The following FAM53B variants were observed in gnomAD, a reference collection of about 807,000 sequenced individuals.
FAM53B encodes the protein family with sequence similarity 53 member B, also known as protein FAM53B.
In FAM53B, 12 loss-of-function variants were observed where a neutral mutation model predicts 32.7. That is an observed-to-expected ratio of 0.37 (90% confidence interval 0.24 to 0.59). FAM53B has a LOEUF of 0.59. FAM53B is among the 20% of genes least tolerant of loss of function. The pLI is 0.72. For missense variants in FAM53B, 477 were observed against 577.7 expected (o/e 0.83, Z 1.79); for synonymous variants, 234 against 228.7 (o/e 1.02, Z -0.21).
intron 4 of FAM53B, among the ~76,000 whole-genome samples, chr10:124,654,313 C>A (rs978856634): frequency 3.9e-5 from 6 of 152,242 alleles, no homozygotes; most frequent in African/African-American, 1.4e-4. Context: ...GCCCTCCCAA[C>A]CCCTGGGTCT....
intron 1 of FAM53B, among the ~76,000 whole-genome samples, chr10:124,729,364 C>T (rs1950126854): frequency 6.6e-6 from 1 of 152,200 alleles, no homozygotes; most frequent in South Asian, 2.1e-4. Flanking sequence ...GCTGGCCTTT[C>T]AAGGCTATTC....
rs1487217911 is a variant in FAM53B at position 124,706,682 on chromosome 10, G to A, written c.32C>T (p.Thr11Ile). The A allele has an allele frequency of 1.9e-6, 3 of 1,614,092 alleles. No homozygotes were observed. Among genetic ancestry groups the A allele is most frequent in the Non-Finnish European group, 2.5e-6 (3 of 1,180,046 alleles). The change falls in exon 2 of 5, where the codon ACC becomes ATC. Residue 11 changes from threonine (T) to isoleucine (I), a missense_variant. Transcript: ENST00000337318. MVMVLSESLS[T>I]RGADSIACGT... ...ACATGCAATGGAGTCAGCTCCCCGG[G>A]TGCTGAGGCTTTCACTTAGGACCAT...
rs993051120 is a variant in FAM53B at position 124,619,525 on chromosome 10, GCTAT to G, written c.*3713_*3716del. 1.4e-4 allele frequency: 21 copies of G among 152,366 alleles called. No homozygotes were observed. Among genetic ancestry groups the G allele is most frequent in the African/African-American group, 5.1e-4 (21 of 41,404 alleles). 9.4% of individuals were successfully genotyped at this position (152,366 alleles called of 1,614,324 possible). A position where few individuals can be genotyped will look rare whatever the true frequency, so the allele number is the denominator to read the frequency against. ...CTGCAGCCCCAGAAACAGCCTATGT[GCTAT>G]CTGTCGCCCCAGCCCCCAGGACAGC... On this transcript the variant is annotated 3_prime_UTR_variant, in exon 5 of 5. Transcript: ENST00000337318.
intron 4 of FAM53B, among the ~76,000 whole-genome samples, chr10:124,650,372 G>A (rs1304562885): frequency 3.9e-5 from 6 of 152,194 alleles, no homozygotes; most frequent in African/African-American, 1.4e-4. Flanking sequence ...GACCCTCCAC[G>A]CTGGATGATG....
chr10:124,633,397 T>A (rs1949404774), intron 4 of FAM53B, among the ~76,000 whole-genome samples: 2 of 152,134 alleles, frequency 1.3e-5, no homozygotes, highest in African/African-American at 2.4e-5. Context: ...ATCTAAAATA[T>A]CAACAGTACT....
At chr10:124,636,434 C>T (rs981584387) in intron 4 of FAM53B, among the ~76,000 whole-genome samples, 16 of 152,336 alleles carry the variant, frequency 1.1e-4, no homozygotes, top group Admixed American at 2.0e-4. Context: ...GACCCCTGAA[C>T]GGCCAGTGAG....
At chr10:124,640,072 G>A (rs1446890288) in intron 4 of FAM53B, among the ~76,000 whole-genome samples, 2 of 152,196 alleles carry the variant, frequency 1.3e-5, no homozygotes, top group Admixed American at 1.3e-4. Flanking sequence ...GGAACCCCCA[G>A]CAAGCCTTGC....
chr10:124,658,268 G>A (rs1056419235), intron 4 of FAM53B, among the ~76,000 whole-genome samples: 4 of 152,200 alleles, frequency 2.6e-5, no homozygotes, highest in African/African-American at 7.2e-5. Flanking sequence ...GGCCATATTC[G>A]GTGCTGCCAT....
intron 1 of FAM53B, among the ~76,000 whole-genome samples, chr10:124,714,518 TGGGAGGCTGAGGCA>T (rs961574976): frequency 1.3e-5 from 2 of 151,924 alleles, no homozygotes; most frequent in South Asian, 2.1e-4. Context: ...CCCAGCACTT[TGGGAGGCTGAGGCA>T]GGCGGATCAC....
chr10:124,672,153 C>T (rs1949710568), intron 4 of FAM53B, among the ~76,000 whole-genome samples: 1 of 152,264 alleles, frequency 6.6e-6, no homozygotes, highest in Non-Finnish European at 1.5e-5. Flanking sequence ...AGGCTTCACA[C>T]TGATGGACCC....
intron 4 of FAM53B, among the ~76,000 whole-genome samples, chr10:124,626,131 G>C (rs1004152038): frequency 1.3e-5 from 2 of 152,276 alleles, no homozygotes; most frequent in African/African-American, 4.8e-5. Flanking sequence ...TTTTCTGCGA[G>C]CTGTCATGTG....
intron 4 of FAM53B, among the ~76,000 whole-genome samples, chr10:124,629,863 T>C (rs1232799124): frequency 2.0e-5 from 3 of 152,258 alleles, no homozygotes; most frequent in Non-Finnish European, 2.9e-5. Context: ...GGCCGTACTC[T>C]TTCTCACAGG....
chr10:124,723,551 C>G (rs534829545), intron 1 of FAM53B, among the ~76,000 whole-genome samples: 82 of 152,318 alleles, frequency 5.4e-4, no homozygotes, highest in African/African-American at 1.9e-3. Flanking sequence ...TTTCTGTGGG[C>G]GGGAGGGTGG....
chr10:124,731,694 T>C (rs1004853600), intron 1 of FAM53B, among the ~76,000 whole-genome samples: 5 of 151,890 alleles, frequency 3.3e-5, no homozygotes, highest in African/African-American at 1.2e-4. Context: ...GGAACACCTC[T>C]CACAAGGCGG....
intron 4 of FAM53B, among the ~76,000 whole-genome samples, chr10:124,633,723 C>T (rs1158672095): frequency 6.6e-6 from 1 of 152,098 alleles, no homozygotes; most frequent in Non-Finnish European, 1.5e-5. Context: ...GGTACTGAAA[C>T]AGACAGGCAG....
intron 4 of FAM53B, among the ~76,000 whole-genome samples, chr10:124,642,659 G>A (rs934227952): frequency 2.6e-5 from 4 of 152,160 alleles, no homozygotes; most frequent in Non-Finnish European, 2.9e-5. Flanking sequence ...ACAGGGGCAC[G>A]TGCAACTGCC....
At chr10:124,625,065 A>G (rs1050174262) in intron 4 of FAM53B, among the ~76,000 whole-genome samples, 1 of 152,234 alleles carries the variant, frequency 6.6e-6, no homozygotes. Flanking sequence ...CCAAGACCAC[A>G]GACCTGTCCC....
At chr10:124,626,394 C>A (rs955285931) in intron 4 of FAM53B, among the ~76,000 whole-genome samples, 1 of 146,080 alleles carries the variant, frequency 6.8e-6, no homozygotes, top group South Asian at 2.3e-4. Flanking sequence ...TTGTGCCCCC[C>A]CCCCCCCCAC....
chr10:124,721,479 C>CAGG (rs1240024114), intron 1 of FAM53B, among the ~76,000 whole-genome samples: 1 of 152,238 alleles, frequency 6.6e-6, no homozygotes, highest in Non-Finnish European at 1.5e-5. Context: ...CCTTGTCCTG[C>CAGG]AGGGTATGGC....
Sources: allele counts gnomAD v4.1 joint callset (sites outside exome capture counted in the v4.1 genomes callset), GRCh38; gene constraint gnomAD v4.1.1; transcripts MANE v1.5; gene names NCBI Gene and HGNC (gene_info 2026-07-23, HGNC 2026-07-21).